TBC1D2B: variants seen among roughly 807,000 people sequenced by gnomAD.
TBC1D2B encodes TBC1 domain family member 2B.
A neutral mutation model predicts 100.8 loss-of-function variants in TBC1D2B; 64 were observed. The ratio of observed to expected loss-of-function variants is 0.64; its 90% CI spans 0.52 to 0.78. TBC1D2B has a LOEUF of 0.78. TBC1D2B is among the 30% of genes least tolerant of loss of function. The probability of loss-of-function intolerance (pLI) is 0.00; values close to 1 mark genes in which losing one functional copy is unlikely to be tolerated. For synonymous variants in TBC1D2B, 480 were observed against 479.7 expected, an observed-to-expected ratio of 1.00 and a Z score of -0.01; for missense variants, 1,052 against 1,218.4, an observed-to-expected ratio of 0.86 and a Z score of 2.03.
At chr15:78,059,603 G>A (rs1421760458) in intron 1 of TBC1D2B, among the ~76,000 whole-genome samples, 1 of 152,084 alleles carries the variant, frequency 6.6e-6, no homozygotes, top group Non-Finnish European at 1.5e-5. Flanking sequence ...TGCTTGAGGT[G>A]GGAATGCAGT....
intron 9 of TBC1D2B, among the ~76,000 whole-genome samples, chr15:78,009,740 C>T (rs1432038550): frequency 6.6e-6 from 1 of 152,104 alleles, no homozygotes; most frequent in Non-Finnish European, 1.5e-5. Flanking sequence ...TTTGGGAGGC[C>T]GAGGCGGGCA....
intron 6 of TBC1D2B, among the ~76,000 whole-genome samples, chr15:78,020,375 A>G (rs532497966): frequency 6.6e-6 from 1 of 152,322 alleles, no homozygotes; most frequent in Admixed American, 6.5e-5. Flanking sequence ...CTTGTGTTAC[A>G]GTCTAAGTAA....
intron 6 of TBC1D2B, among the ~76,000 whole-genome samples, chr15:78,020,114 C>A (rs180941658): frequency 6.6e-6 from 1 of 152,228 alleles, no homozygotes; most frequent in East Asian, 1.9e-4. Flanking sequence ...AACTCTTGGC[C>A]TTAAGTGATC....
At chr15:78,029,202 GC>G (rs58335653) in intron 4 of TBC1D2B, among the ~76,000 whole-genome samples, 1 of 151,754 alleles carries the variant, frequency 6.6e-6, no homozygotes, top group Admixed American at 6.6e-5. Flanking sequence ...GACTACAGGC[GC>G]CCCCCACCAC....
At chr15:78,071,310 G>A (rs775078786) in intron 1 of TBC1D2B, among the ~76,000 whole-genome samples, 8 of 152,136 alleles carry the variant, frequency 5.3e-5, no homozygotes, top group South Asian at 2.1e-4. Context: ...AATATTTTGC[G>A]AAATGTGAAA....
intron 2 of TBC1D2B, 81 bp from the exon 3 acceptor site, chr15:78,045,149 C>A: frequency 7.1e-6 from 9 of 1,266,720 alleles, no homozygotes; most frequent in Non-Finnish European, 8.7e-6. Context: ...ACTGACTTGA[C>A]ATACTATATA....
At chr15:78,066,819 C>T (rs1031139519) in intron 1 of TBC1D2B, among the ~76,000 whole-genome samples, 1 of 152,110 alleles carries the variant, frequency 6.6e-6, no homozygotes, top group Admixed American at 6.6e-5. Context: ...AAGAGAAAAC[C>T]AAAGCCACCT....
chr15:78,008,968 T>G, intron 10 of TBC1D2B, 29 bp downstream of exon 10: 2 of 1,471,690 alleles, frequency 1.4e-6, no homozygotes, highest in Non-Finnish European at 1.9e-6. Flanking sequence ...CTAAAAGTGG[T>G]GACTAAAACA....
chr15:78,033,669 T>C (rs1445424633), intron 3 of TBC1D2B, among the ~76,000 whole-genome samples: 2 of 152,180 alleles, frequency 1.3e-5, no homozygotes, highest in Admixed American at 6.5e-5. Flanking sequence ...TATAACTCAA[T>C]GAAGTTATTA....
intron 2 of TBC1D2B, among the ~76,000 whole-genome samples, chr15:78,048,654 A>G (rs1567029371): frequency 6.6e-6 from 1 of 152,180 alleles, no homozygotes; most frequent in Non-Finnish European, 1.5e-5. Flanking sequence ...CTGCCTCTAA[A>G]TCCAGTGTGA....
intron 4 of TBC1D2B, among the ~76,000 whole-genome samples, chr15:78,029,242 A>G (rs2072748045): frequency 6.6e-6 from 1 of 152,064 alleles, no homozygotes; most frequent in South Asian, 2.1e-4. Flanking sequence ...TATTTTTAGT[A>G]GAGATGGAGT....
chr15:78,017,351 A>C (rs569458410), intron 7 of TBC1D2B: 2 of 153,782 alleles, frequency 1.3e-5, no homozygotes, highest in Non-Finnish European at 2.9e-5. Flanking sequence ...CCATAATCAT[A>C]TCTGACTTTC....
intron 11 of TBC1D2B, 37 bp downstream of exon 11, chr15:78,003,268 G>A (rs750749057): frequency 1.3e-6 from 2 of 1,591,032 alleles, no homozygotes; most frequent in Non-Finnish European, 1.7e-6. Flanking sequence ...GTTGTCAAGT[G>A]TGTATATCTG....
At chr15:78,022,633 C>G (rs546034184) in intron 6 of TBC1D2B, among the ~76,000 whole-genome samples, 1 of 152,198 alleles carries the variant, frequency 6.6e-6, no homozygotes, top group South Asian at 2.1e-4. Flanking sequence ...CAGCCTTGCT[C>G]TGCTTTCCAG....
intron 6 of TBC1D2B, 145 bp downstream of exon 6, chr15:78,024,010 TG>T: frequency 2.0e-6 from 2 of 1,004,390 alleles, no homozygotes; most frequent in Non-Finnish European, 2.8e-6. Context: ...GATTATTTGA[TG>T]GTAAGTCCTG....
At chr15:78,015,792 TA>T (rs1211408486) in intron 8 of TBC1D2B, among the ~76,000 whole-genome samples, 49 of 152,362 alleles carry the variant, frequency 3.2e-4, no homozygotes, top group African/African-American at 1.1e-3. Flanking sequence ...CAAACATCCA[TA>T]AAAGTGTTTA....
intron 2 of TBC1D2B, among the ~76,000 whole-genome samples, chr15:78,050,124 G>A (rs1401530590): frequency 1.3e-5 from 2 of 151,998 alleles, no homozygotes; most frequent in Non-Finnish European, 2.9e-5. Context: ...TTTCCTTCTG[G>A]CAGCTCTCTA....
intron 1 of TBC1D2B, among the ~76,000 whole-genome samples, chr15:78,063,848 AC>A (rs1489280194): frequency 6.6e-6 from 1 of 151,246 alleles, no homozygotes; most frequent in Admixed American, 6.6e-5. Flanking sequence ...AGAGTCATCT[AC>A]CCCTGGGCCT....
chr15:78,045,949 T>C (rs549236450), intron 2 of TBC1D2B, among the ~76,000 whole-genome samples: 12 of 152,112 alleles, frequency 7.9e-5, no homozygotes, highest in African/African-American at 1.2e-4. Flanking sequence ...TTTTCCCCCA[T>C]AGACGGAGTT....
Sources: gnomAD v4.1 joint callset for allele counts (sites outside exome capture counted in the v4.1 genomes callset) on GRCh38, gnomAD v4.1.1 for gene constraint, MANE v1.5 for transcripts, NCBI Gene and HGNC (gene_info 2026-07-23, HGNC 2026-07-21) for gene names.